CYLC2: variants seen among roughly 807,000 people sequenced by gnomAD.
The protein encoded by CYLC2 is cylicin-2.
A neutral mutation model predicts 26.1 loss-of-function variants in CYLC2; 30 were observed. The observed-to-expected ratio is 1.15, with a 90% CI of 0.86 to 1.56. The LOEUF is 1.56. Among genes scored for constraint, CYLC2 ranks in the 40% most tolerant of loss-of-function variants. The probability of loss-of-function intolerance (pLI) is 0.00; values close to 1 mark genes in which losing one functional copy is unlikely to be tolerated. For missense variants in CYLC2, 498 were observed against 394.4 expected (o/e 1.26, Z -2.23); for synonymous variants, 158 against 132.8 (o/e 1.19, Z -1.31).
At chr9:103,001,761 G>A in intron 2 of CYLC2, 143 bp downstream of exon 2, 2 of 579,254 alleles carry the variant, frequency 3.5e-6, no homozygotes, top group Non-Finnish European at 3.0e-6. Flanking sequence ...TTTCTTACAG[G>A]CCCAGTGAAC....
At chr9:102,999,384 G>A (rs560803109) in intron 1 of CYLC2, among the ~76,000 whole-genome samples, 2 of 151,828 alleles carry the variant, frequency 1.3e-5, no homozygotes, top group African/African-American at 4.8e-5. Flanking sequence ...TATTATTATA[G>A]ATGTCACTGG....
intron 6 of CYLC2, among the ~76,000 whole-genome samples, chr9:103,013,252 ATT>A (rs1829432672): frequency 9.4e-6 from 1 of 106,000 alleles, no homozygotes; most frequent in Non-Finnish European, 1.7e-5. Flanking sequence ...GTAAATATAT[ATT>A]TAATGTGTTA....
chr9:103,015,162 A>AAT, intron 6 of CYLC2, among the ~76,000 whole-genome samples: 1 of 48,588 alleles, frequency 2.1e-5, no homozygotes, highest in African/African-American at 8.1e-5. Context: ...TGATATACAT[A>AAT]ACATGTATAT....
intron 5 of CYLC2, among the ~76,000 whole-genome samples, chr9:103,011,270 T>C (rs1829403920): frequency 6.6e-6 from 1 of 152,130 alleles, no homozygotes; most frequent in South Asian, 2.1e-4. Flanking sequence ...TTGTAAGCTG[T>C]TTGAAGATTT....
At chr9:103,014,201 ATAT>A (rs1450429489) in intron 6 of CYLC2, among the ~76,000 whole-genome samples, 4 of 123,080 alleles carry the variant, frequency 3.2e-5, no homozygotes, top group Non-Finnish European at 4.7e-5. Flanking sequence ...TATAATATGA[ATAT>A]TATATATCTC....
intron 6 of CYLC2, among the ~76,000 whole-genome samples, chr9:103,013,839 TAA>T (rs1241179886): frequency 2.3e-4 from 21 of 92,046 alleles, no homozygotes; most frequent in South Asian, 3.0e-4. Flanking sequence ...TAATATATAA[TAA>T]AGATAATACA....
At chr9:102,998,275 T>G (rs1468287657) in intron 1 of CYLC2, among the ~76,000 whole-genome samples, 1 of 152,006 alleles carries the variant, frequency 6.6e-6, no homozygotes, top group Non-Finnish European at 1.5e-5. Context: ...TCCCTCTTCT[T>G]AGGTTAAGTC....
Position 103,004,750 on chromosome 9 carries a change from G to C in CYLC2, c.236G>C (p.Arg79Pro). ...GDRRQPLWMY[R>P]SLMRISERPS... ...CGTAGACAACCATTATGGATGTACC[G>C]TTCTTTAATGAGAATTTCTGAGAGA... The change falls in exon 4 of 8, where the codon CGT (arginine) becomes CCT (proline). Residue 79 changes from arginine (R) to proline (P), a missense_variant. By Grantham distance (103) the Arg-to-Pro change is moderately radical. Transcript: ENST00000374798. 2 of 1,609,814 alleles carry C rather than the reference G, an allele frequency of 1.2e-6. No homozygotes were observed. Among genetic ancestry groups the C allele is most frequent in the Non-Finnish European group, 1.7e-6 (2 of 1,177,716 alleles).
At chr9:103,013,470 T>C (rs1263068770) in intron 6 of CYLC2, among the ~76,000 whole-genome samples, 2 of 108,094 alleles carry the variant, frequency 1.9e-5, no homozygotes, top group Non-Finnish European at 3.3e-5. Flanking sequence ...TTATATATTA[T>C]ATAAATATAT....
At chr9:103,013,758 AATTAT>A (rs1334933896) in intron 6 of CYLC2, among the ~76,000 whole-genome samples, 2 of 110,916 alleles carry the variant, frequency 1.8e-5, no homozygotes, top group Non-Finnish European at 3.3e-5. Flanking sequence ...TATTATATAT[AATTAT>A]ATTTTATATT....
intron 6 of CYLC2, among the ~76,000 whole-genome samples, chr9:103,014,959 A>G (rs1372813452): frequency 1.5e-5 from 2 of 133,612 alleles, no homozygotes; most frequent in Non-Finnish European, 3.2e-5. Context: ...TGTAATATAC[A>G]TATTCATATT....
intron 3 of CYLC2, 108 bp downstream of exon 3, chr9:103,003,371 AG>A: frequency 1.0e-6 from 1 of 1,001,036 alleles, no homozygotes; most frequent in Non-Finnish European, 1.4e-6. Context: ...CTAAGTAGTA[AG>A]CTTGTGAAAT....
intron 1 of CYLC2, among the ~76,000 whole-genome samples, chr9:102,998,678 T>G (rs924593870): frequency 1.3e-5 from 2 of 151,922 alleles, no homozygotes; most frequent in African/African-American, 4.8e-5. Flanking sequence ...TAAAATGTAT[T>G]GAACTGTCAC....
In CYLC2 at chr9:102,998,230, AAAC is replaced by A. The variant is rs570920885; in HGVS notation, c.17+2843_17+2845del. ...TAATTTAAGCATTAGTCCTATTAAA[AAAC>A]AACAACAACCTTTTGACTTAATAAT... On this transcript the variant is annotated intron_variant, in intron 1 of 7. Coordinates refer to ENST00000374798, the MANE Select transcript of CYLC2 (RefSeq NM_001340.5). Among the ~76,000 whole-genome samples, 276 of 152,094 alleles carry A rather than the reference AAAC, an allele frequency of 1.8e-3. 2 individuals carry two copies. Among genetic ancestry groups the A allele is most frequent in the African/African-American group, 6.5e-3 (268 of 41,546 alleles).
At chr9:103,002,806 T>G (rs1829301863) in intron 2 of CYLC2, among the ~76,000 whole-genome samples, 1 of 152,094 alleles carries the variant, frequency 6.6e-6, no homozygotes, top group South Asian at 2.1e-4. Flanking sequence ...TATAATAAAA[T>G]TGTATACTAA....
rs1564098086 is a variant in CYLC2, at chr9:103,005,571, G to C, written c.940G>C (p.Asp314His). Reference protein sequence around the residue: ...AKKDTEKESADSKKDAKKNAK... With the variant: ...AKKDTEKESAHSKKDAKKNAK... ...GAAAGATACTGAGAAAGAATCTGCT[G>C]ATTCAAAGAAGGATGCAAAGAAAAA... The change falls in exon 5 of 8, where the codon GAT becomes CAT. Residue 314 changes from aspartate to histidine, a missense_variant. Physicochemically the swap from Asp to His is moderately conservative, Grantham distance 81 (BLOSUM62 -1). Transcript: ENST00000374798. 6.2e-7 allele frequency: 1 copy of C among 1,608,818 alleles called. No homozygotes were observed. Among genetic ancestry groups the C allele is most frequent in the Admixed American group, 1.7e-5 (1 of 59,088 alleles).
At chr9:103,014,118 T>C (rs1359258408) in intron 6 of CYLC2, among the ~76,000 whole-genome samples, 2 of 120,766 alleles carry the variant, frequency 1.7e-5, no homozygotes, top group Non-Finnish European at 3.2e-5. Flanking sequence ...TAAATATATT[T>C]TATATTATAT....
At position 103,005,983 on chromosome 9, in the gene CYLC2, T is replaced by C. The variant is rs889731249; in HGVS notation, c.*305T>C. 1 of 253,678 alleles carries C rather than the reference T, an allele frequency of 3.9e-6. No individual in the cohort carries two copies. The highest frequency in any genetic ancestry group is 5.1e-5 in the Admixed American group (1 of 19,528). 15.7% of individuals were successfully genotyped at this position (253,678 alleles called of 1,614,324 possible). A position where few individuals can be genotyped will look rare whatever the true frequency, so the allele number is the denominator to read the frequency against. On this transcript the variant is annotated 3_prime_UTR_variant, in exon 5 of 8. Transcript: ENST00000374798. ...AAAGATTTAAAGAAGAATATTCAGA[T>C]AAGGATGTTGAAGATAATGACACTA... is the stretch of plus-strand genomic sequence containing the variant.
intron 3 of CYLC2, 56 bp downstream of exon 3, chr9:103,003,319 T>A (rs1195678992): frequency 4.8e-6 from 7 of 1,443,882 alleles, no homozygotes; most frequent in Non-Finnish European, 6.7e-6. Flanking sequence ...TTAGTAATAA[T>A]TATAACCATA....
Sources: allele counts gnomAD v4.1 joint callset (sites outside exome capture counted in the v4.1 genomes callset), GRCh38; gene constraint gnomAD v4.1.1; transcripts MANE v1.5; gene names NCBI Gene and HGNC (gene_info 2026-07-23, HGNC 2026-07-21).